QTGAL: variants seen among roughly 807,000 people sequenced by gnomAD.
QTGAL encodes the protein BGnT-like protein 1.
At chr17:82,967,897 A>G in the QTGAL span, among the ~76,000 whole-genome samples, 3,094 of 152,176 alleles carry the variant, frequency 0.02, 122 homozygotes, top group African/African-American at 0.07. Flanking sequence ...ATCGCACCAC[A>G]GCACTCACTC....
At chr17:82,968,758 T>A in the QTGAL span, among the ~76,000 whole-genome samples, 1 of 151,890 alleles carries the variant, frequency 6.6e-6, no homozygotes, top group South Asian at 2.1e-4. Flanking sequence ...CCAGCACTTT[T>A]GGAGGCTGAG....
At chr17:82,966,332 G>A in the QTGAL span, among the ~76,000 whole-genome samples, 1 of 152,146 alleles carries the variant, frequency 6.6e-6, no homozygotes, top group Non-Finnish European at 1.5e-5. Context: ...TGGGATTACA[G>A]GTGTGAGCCA....
At chr17:82,991,619 T>C in the QTGAL span, among the ~76,000 whole-genome samples, 4 of 152,146 alleles carry the variant, frequency 2.6e-5, no homozygotes, top group Admixed American at 2.6e-4. Flanking sequence ...GCAAAGACTA[T>C]ATGACAAATA....
At chr17:83,022,144 A>C in the QTGAL span, among the ~76,000 whole-genome samples, 10 of 152,270 alleles carry the variant, frequency 6.6e-5, no homozygotes, top group Non-Finnish European at 1.3e-4. Context: ...TTAGGTTCTT[A>C]GACGGGACAC....
the QTGAL span, chr17:83,005,129 G>A: frequency 6.2e-7 from 1 of 1,608,206 alleles, no homozygotes; most frequent in Non-Finnish European, 8.5e-7. The surrounding 1 kb of genome is among the most constrained non-coding windows in gnomAD (Gnocchi z 5.6). Context: ...GTTAGGAGCT[G>A]CTCCGGCGTC....
At chr17:82,990,380 C>A in the QTGAL span, among the ~76,000 whole-genome samples, 1 of 152,244 alleles carries the variant, frequency 6.6e-6, no homozygotes, top group East Asian at 1.9e-4. Flanking sequence ...GCAGTGTCAT[C>A]AGCAGGAACG....
chr17:82,946,989 A>T, the QTGAL span: 1 of 1,556,652 alleles, frequency 6.4e-7, no homozygotes, highest in Non-Finnish European at 8.7e-7. Context: ...AGGTCCTGTC[A>T]GGAGCAGCAG....
At chr17:82,973,104 G>T in the QTGAL span, among the ~76,000 whole-genome samples, 9 of 152,194 alleles carry the variant, frequency 5.9e-5, no homozygotes, top group East Asian at 1.7e-3. Flanking sequence ...TGGGGCCACC[G>T]CCCACTCACA....
At chr17:82,992,890 G>C in the QTGAL span, among the ~76,000 whole-genome samples, 1 of 152,228 alleles carries the variant, frequency 6.6e-6, no homozygotes, top group East Asian at 1.9e-4. Context: ...GTATTAAGTT[G>C]TTATTAGCTT....
At chr17:83,039,448 G>A in the QTGAL span, among the ~76,000 whole-genome samples, 2 of 102,606 alleles carry the variant, frequency 1.9e-5, no homozygotes, top group Non-Finnish European at 4.3e-5. Flanking sequence ...CCCGCCGCCC[G>A]CCCCTCTTCT....
the QTGAL span, among the ~76,000 whole-genome samples, chr17:82,968,525 G>A: frequency 1.3e-5 from 2 of 148,772 alleles, no homozygotes; most frequent in East Asian, 1.9e-4. Context: ...CAGTGTGCAC[G>A]GTGCACAGAT....
the QTGAL span, among the ~76,000 whole-genome samples, chr17:83,008,031 G>A: frequency 7.1e-6 from 1 of 140,846 alleles, no homozygotes; most frequent in African/African-American, 2.6e-5. Flanking sequence ...AGGAGACCTC[G>A]CGCTCTCAAG....
chr17:83,038,633 C>T, the QTGAL span, among the ~76,000 whole-genome samples: 6 of 152,090 alleles, frequency 3.9e-5, no homozygotes, highest in East Asian at 3.9e-4. Context: ...CCAAGGCAGG[C>T]GGATCAGGAG....
At chr17:82,942,559 A>C in the QTGAL span, 55 of 1,557,130 alleles carry the variant, frequency 3.5e-5, no homozygotes, top group Non-Finnish European at 4.7e-5. Flanking sequence ...TGGTGCCTCC[A>C]GCTGTTGAAG....
chr17:83,031,318 C>T, the QTGAL span, among the ~76,000 whole-genome samples: 3 of 150,362 alleles, frequency 2.0e-5, no homozygotes, highest in East Asian at 2.0e-4. Context: ...AACTCAGCAA[C>T]GGCCGCCAGA....
At chr17:82,986,777 A>G in the QTGAL span, among the ~76,000 whole-genome samples, 1 of 152,244 alleles carries the variant, frequency 6.6e-6, no homozygotes. Context: ...CATTTTCAAA[A>G]TTCAGAAAGC....
the QTGAL span, among the ~76,000 whole-genome samples, chr17:82,959,349 CAGT>C: frequency 6.6e-6 from 1 of 150,954 alleles, no homozygotes; most frequent in Non-Finnish European, 1.5e-5. Flanking sequence ...TGTGTACATG[CAGT>C]GTGTGTGCAC....
chr17:82,955,418 T>C, the QTGAL span, among the ~76,000 whole-genome samples: 9 of 152,186 alleles, frequency 5.9e-5, no homozygotes, highest in Non-Finnish European at 1.0e-4. Context: ...CACTGGTCGT[T>C]AGAGAAATGC....
the QTGAL span, among the ~76,000 whole-genome samples, chr17:83,031,579 C>T: frequency 6.6e-6 from 1 of 152,224 alleles, no homozygotes; most frequent in Non-Finnish European, 1.5e-5. Context: ...ATGGGACAGT[C>T]ACGGGGGAGG....
Sources: gnomAD v4.1 joint callset for allele counts (sites outside exome capture counted in the v4.1 genomes callset) on GRCh38, gnomAD v4.1.1 for gene constraint, Gnocchi (gnomAD v3.1) non-coding constraint, MANE v1.5 for transcripts, NCBI Gene and HGNC (gene_info 2026-07-23, HGNC 2026-07-21) for gene names.